The following MED30 variants were observed in gnomAD, a reference collection of about 807,000 sequenced individuals.
The protein encoded by MED30 is mediator of RNA polymerase II transcription subunit 30.
Under a neutral mutation model 21.7 loss-of-function variants are expected in MED30, and 8 were observed. The observed-to-expected ratio is 0.37, with a 90% CI of 0.22 to 0.67. MED30 has a LOEUF of 0.67. Among genes scored for constraint, MED30 ranks in the 30% least tolerant of loss-of-function variants. The pLI, the probability that MED30 is intolerant of heterozygous loss-of-function variation, is 0.58. For synonymous variants in MED30, 79 were observed against 86.7 expected, an observed-to-expected ratio of 0.91 and a Z score of 0.49; for missense variants, 203 against 228.2, an observed-to-expected ratio of 0.89 and a Z score of 0.71.
chr8:117,525,659 G>T (rs189515471), intron 1 of MED30, among the ~76,000 whole-genome samples: 1 of 151,960 alleles, frequency 6.6e-6, no homozygotes, highest in African/African-American at 2.4e-5. Context: ...TAAAATGTGA[G>T]GTCTGGGCCT....
intron 3 of MED30, among the ~76,000 whole-genome samples, chr8:117,535,419 T>A (rs1319393084): frequency 6.6e-6 from 1 of 151,810 alleles, no homozygotes; most frequent in Non-Finnish European, 1.5e-5. Context: ...TTAGTAGAGA[T>A]GGGGTTTCAC....
chr8:117,527,364 T>C (rs141183294), intron 1 of MED30, among the ~76,000 whole-genome samples: 305 of 152,078 alleles, frequency 2.0e-3, no homozygotes, highest in African/African-American at 7.1e-3. Flanking sequence ...TAGACTGTTT[T>C]AATGCTTGAG....
At chr8:117,522,012 G>A (rs1405595196) in intron 1 of MED30, among the ~76,000 whole-genome samples, 3 of 152,160 alleles carry the variant, frequency 2.0e-5, no homozygotes, top group African/African-American at 7.2e-5. Context: ...GCCATTTTAC[G>A]TCCCGATTAT....
chr8:117,530,882 G>T, intron 3 of MED30, 55 bp downstream of exon 3: 1 of 1,263,580 alleles, frequency 7.9e-7, no homozygotes, highest in East Asian at 2.5e-5. Flanking sequence ...AAAATTACTA[G>T]GGAGTCTGAT....
chr8:117,539,096 A>C (rs1198433555), intron 3 of MED30, among the ~76,000 whole-genome samples: 3 of 152,246 alleles, frequency 2.0e-5, no homozygotes, highest in African/African-American at 7.2e-5. Context: ...TTTAATCTTC[A>C]TAACAGCTCT....
At chr8:117,531,390 C>A (rs1818790265) in intron 3 of MED30, among the ~76,000 whole-genome samples, 1 of 151,956 alleles carries the variant, frequency 6.6e-6, no homozygotes, top group East Asian at 1.9e-4. Context: ...TTAGCAAAAC[C>A]TACCAGAGAT....
rs181909390 is a variant in MED30 at position 117,539,019 on chromosome 8, A to G, written c.442-864A>G. On this transcript the variant is annotated intron_variant, in intron 3 of 3. Coordinates refer to ENST00000297347, the MANE Select transcript of MED30 (RefSeq NM_080651.4). Reference sequence around the variant, plus strand: ...CGACAGTTTACATTTTGTGCCTAACAGTAACATTTGTTGAATGTTTACTTA... The same window carrying G: ...CGACAGTTTACATTTTGTGCCTAACGGTAACATTTGTTGAATGTTTACTTA... Among the ~76,000 whole-genome samples, 296 of 152,358 alleles carry G rather than the reference A, an allele frequency of 1.9e-3. 2 individuals are homozygous for G. The highest frequency in any genetic ancestry group is 6.7e-3 in the African/African-American group (278 of 41,584).
At chr8:117,526,337 T>C (rs1818719831) in intron 1 of MED30, among the ~76,000 whole-genome samples, 1 of 152,122 alleles carries the variant, frequency 6.6e-6, no homozygotes. Context: ...AGTGTTCACT[T>C]ACAGAATTAG....
chr8:117,522,435 G>A (rs574465994), intron 1 of MED30, among the ~76,000 whole-genome samples: 14 of 152,194 alleles, frequency 9.2e-5, no homozygotes, highest in Admixed American at 9.2e-4. Context: ...GCACCATTTT[G>A]CTGACCCATT....
intron 3 of MED30, among the ~76,000 whole-genome samples, chr8:117,536,659 A>G (rs1818883195): frequency 6.6e-6 from 1 of 152,240 alleles, no homozygotes; most frequent in African/African-American, 2.4e-5. Context: ...ATTTGATGTA[A>G]ATCATCATAA....
intron 3 of MED30, 79 bp downstream of exon 3, chr8:117,530,906 A>T (rs1818784461): frequency 1.1e-6 from 1 of 942,142 alleles, no homozygotes; most frequent in Non-Finnish European, 1.6e-6. Context: ...ACTCCAAAAC[A>T]TAATTTGAAT....
intron 1 of MED30, among the ~76,000 whole-genome samples, chr8:117,526,502 G>A (rs1408943855): frequency 6.6e-6 from 1 of 151,844 alleles, no homozygotes; most frequent in Non-Finnish European, 1.5e-5. Flanking sequence ...TTTTAAATGG[G>A]TGTTGAATTT....
intron 3 of MED30, among the ~76,000 whole-genome samples, chr8:117,534,593 C>G (rs1173881768): frequency 1.3e-5 from 2 of 152,058 alleles, no homozygotes; most frequent in Non-Finnish European, 2.9e-5. Context: ...AAGCTAAACT[C>G]TATTTCTGTG....
At chr8:117,528,910 A>G in intron 2 of MED30, 101 bp downstream of exon 2, 1 of 1,022,994 alleles carries the variant, frequency 9.8e-7, no homozygotes, top group Non-Finnish European at 1.4e-6. Flanking sequence ...CAATATTTCC[A>G]GGTTTCGAAT....
chr8:117,530,920 CA>C, intron 3 of MED30, 93 bp downstream of exon 3: 1 of 868,856 alleles, frequency 1.2e-6, no homozygotes, highest in Non-Finnish European at 1.8e-6. Flanking sequence ...TTTGAATTAT[CA>C]AATTACATGA....
intron 1 of MED30, among the ~76,000 whole-genome samples, chr8:117,522,466 C>G (rs1371792413): frequency 6.6e-6 from 1 of 152,070 alleles, no homozygotes; most frequent in Non-Finnish European, 1.5e-5. Context: ...GCTTATATTA[C>G]CCACTACATG....
intron 1 of MED30, among the ~76,000 whole-genome samples, chr8:117,522,902 T>C (rs557617952): frequency 6.6e-5 from 10 of 152,172 alleles, no homozygotes; most frequent in Admixed American, 2.6e-4. Context: ...TACCTAACAC[T>C]TACGAAGTAC....
chr8:117,521,570 A>G (rs1008017589), intron 1 of MED30, among the ~76,000 whole-genome samples: 1 of 152,318 alleles, frequency 6.6e-6, no homozygotes. Context: ...ATCATCCCAG[A>G]AAGTTTCTTC....
At chr8:117,533,286 A>T (rs1245581373) in intron 3 of MED30, among the ~76,000 whole-genome samples, 2 of 152,054 alleles carry the variant, frequency 1.3e-5, no homozygotes, top group Non-Finnish European at 2.9e-5. Flanking sequence ...ATTCTTTGGC[A>T]GCATGTAACC....
Sources: gnomAD v4.1 joint callset for allele counts (sites outside exome capture counted in the v4.1 genomes callset) on GRCh38, gnomAD v4.1.1 for gene constraint, MANE v1.5 for transcripts, NCBI Gene and HGNC (gene_info 2026-07-23, HGNC 2026-07-21) for gene names.